The following SEMA3B variants were observed in gnomAD, a reference collection of about 807,000 sequenced individuals.
SEMA3B encodes semaphorin 3B.
A neutral mutation model predicts 77.8 loss-of-function variants in SEMA3B; 71 were observed. The observed-to-expected ratio is 0.91, with a 90% CI of 0.75 to 1.11. SEMA3B has a LOEUF of 1.11. Ranked by LOEUF, SEMA3B falls within the 50% of genes most tolerant of loss-of-function variation. SEMA3B has a pLI of 0.00. For synonymous variants in SEMA3B, 470 were observed against 452.9 expected, an observed-to-expected ratio of 1.04 and a Z score of -0.48; for missense variants, 968 against 1,056.8, an observed-to-expected ratio of 0.92 and a Z score of 1.17.
In SEMA3B at chr3:50,270,722, C is replaced by A. The variant is rs1393172472; in HGVS notation, c.331-168C>A. 4.0e-6 allele frequency: 5 copies of A among 1,242,714 alleles called. No individual in the cohort carries two copies. Among genetic ancestry groups the A allele is most frequent in the Non-Finnish European group, 5.5e-6 (5 of 907,054 alleles). 77.0% of individuals were successfully genotyped at this position (1,242,714 alleles called of 1,614,324 possible). ...GGCCTGTGCTTCCCCAGACACCCAC[C>A]CTCGTGAGGCCTGGGCTGGTCAGCA... On this transcript the variant is annotated intron_variant, in intron 3 of 16. Transcript: ENST00000616701. This position sits in a 1 kb window ranked among gnomAD's most constrained non-coding sequence, Gnocchi z 4.7.
Position 50,276,269 on chromosome 3 carries a change from A to G in SEMA3B, c.1846-33A>G. ...GCCCGGAAGCCCTGTTCCCGGCCCG[A>G]CACCCCCGCCTCACGCTGCCCTCTG... On this transcript the variant is annotated intron_variant, in intron 16 of 16. Transcript: ENST00000616701. The surrounding 1 kb of genome is among the most constrained non-coding windows in gnomAD (Gnocchi z 5.8). 1 of 1,445,470 alleles carries G rather than the reference A, an allele frequency of 6.9e-7. No homozygotes were observed. The highest frequency in any genetic ancestry group is 9.1e-7 in the Non-Finnish European group (1 of 1,103,710). 89.5% of individuals were successfully genotyped at this position (1,445,470 alleles called of 1,614,324 possible).
At chr3:50,264,288 G>A (rs1175612975), upstream of SEMA3B, among the ~76,000 whole-genome samples, 3 of 152,184 alleles carry the variant, frequency 2.0e-5, no homozygotes, top group African/African-American at 4.8e-5. Flanking sequence ...GCCCGAGAAG[G>A]GGCCTTGTTC....
In SEMA3B at chr3:50,270,967, C is replaced by T. The variant is rs782469142; in HGVS notation, c.408C>T (p.Phe136=). The change falls in exon 4 of 17, where the codon TTC becomes TTT. Residue 136 remains phenylalanine (F), a synonymous_variant. Transcript: ENST00000616701. This position sits in a 1 kb window ranked among gnomAD's most constrained non-coding sequence, Gnocchi z 4.7. ...THLLACGTGA[F]HPTCAFVEVG... ...TGCTGGCCTGTGGCACGGGAGCCTT[C>T]CACCCAACCTGTGCCTTTGTGGAAG... The T allele has an allele frequency of 3.1e-6, 5 of 1,610,964 alleles. No individual in the cohort carries two copies. The highest frequency in any genetic ancestry group is 1.7e-5 in the Admixed American group (1 of 59,570).
chr3:50,274,896 G>C lies in SEMA3B; in HGVS notation c.1411G>C (p.Ala471Pro). 6.2e-7 allele frequency: 1 copy of C among 1,611,150 alleles called. No homozygotes were observed. Among genetic ancestry groups the C allele is most frequent in the Non-Finnish European group, 8.5e-7 (1 of 1,179,776 alleles). ...GGTCCCCAAGGGCAGTAGGCCCAGCGCAGAGGGGCTGCTCCTGGAGGAGCT... is the reference window on the plus strand; with the variant it reads ...GGTCCCCAAGGGCAGTAGGCCCAGCCCAGAGGGGCTGCTCCTGGAGGAGCT... ...ISVPKGSRPS[A>P]EGLLLEELHV... Residue 471 changes from alanine (A) to proline (P), a missense_variant, in exon 12 of 17, where the codon GCA becomes CCA. Physicochemically the swap from Ala to Pro is conservative, Grantham distance 27. Coordinates refer to ENST00000616701, the MANE Select transcript of SEMA3B (RefSeq NM_001290060.2). This position sits in a 1 kb window ranked among gnomAD's most constrained non-coding sequence, Gnocchi z 4.7.
upstream of SEMA3B, among the ~76,000 whole-genome samples, chr3:50,268,550 A>G (rs1159994238): frequency 6.6e-6 from 1 of 152,254 alleles, no homozygotes; most frequent in African/African-American, 2.4e-5. Context: ...ATTTGCACAT[A>G]GATGTGCACA....
chr3:50,263,636 G>A (rs1700859982), upstream of SEMA3B, among the ~76,000 whole-genome samples: 2 of 151,998 alleles, frequency 1.3e-5, no homozygotes, highest in South Asian at 2.1e-4. Context: ...CAGAGGGGAG[G>A]CATGGGGAGA....
chr3:50,275,512 G>C lies in SEMA3B; in HGVS notation c.1650-48G>C, dbSNP rs1701205446. 2 of 1,612,970 alleles carry C rather than the reference G, an allele frequency of 1.2e-6. No homozygotes were observed. Among genetic ancestry groups the C allele is most frequent in the African/African-American group, 2.7e-5 (2 of 74,944 alleles). ...GGAGGGAGGCGAAGGGTCTTTCACT[G>C]CCCGGGGCTGAAAGAAGGGCTCACA... On this transcript the variant is annotated intron_variant, in intron 14 of 16. Coordinates refer to ENST00000616701, the MANE Select transcript of SEMA3B (RefSeq NM_001290060.2). This position sits in a 1 kb window ranked among gnomAD's most constrained non-coding sequence, Gnocchi z 7.5.
chr3:50,271,047 G>T (rs782760451), intron 4 of SEMA3B, 38 bp downstream of exon 4: 1 of 1,580,200 alleles, frequency 6.3e-7, no homozygotes, highest in South Asian at 1.2e-5. Flanking sequence ...GGTCAGGAGG[G>T]TAAGAAGGGC....
Position 50,276,590 on chromosome 3 carries a change from C to T in SEMA3B, c.2134C>T (p.Pro712Ser). ...GSANSLRMCR[P>S]QPALQSLPLE... Reference sequence around the variant, plus strand: ...CGCGAACTCCCTGCGCATGTGCCGCCCGCAGCCTGCGCTGCAGTCACTGCC... The same window carrying T: ...CGCGAACTCCCTGCGCATGTGCCGCTCGCAGCCTGCGCTGCAGTCACTGCC... Residue 712 changes from proline (P) to serine (S), a missense_variant, in exon 17 of 17, where the codon CCG becomes TCG. By Grantham distance (74) the Pro-to-Ser change is moderately conservative. Coordinates refer to ENST00000616701, the MANE Select transcript of SEMA3B (RefSeq NM_001290060.2). The surrounding 1 kb of genome is among the most constrained non-coding windows in gnomAD (Gnocchi z 5.8). The T allele has an allele frequency of 6.4e-7, 1 of 1,568,064 alleles. No individual in the cohort carries two copies. The highest frequency in any genetic ancestry group is 1.2e-5 in the South Asian group (1 of 85,966).
At position 50,270,852 on chromosome 3, in the gene SEMA3B, C is replaced by T. The variant is rs1324605667; in HGVS notation, c.331-38C>T. The T allele has an allele frequency of 5.8e-6, 9 of 1,563,258 alleles. No homozygotes were observed. Among genetic ancestry groups the T allele is most frequent in the African/African-American group, 2.7e-5 (2 of 73,596 alleles). ...GGTGAGCTGGGACCTCTTAAGGCTA[C>T]GTCCCTGGGGGAAGCCTCACACCTC... On this transcript the variant is annotated intron_variant, in intron 3 of 16. Coordinates refer to ENST00000616701, the MANE Select transcript of SEMA3B (RefSeq NM_001290060.2). The surrounding 1 kb of genome is among the most constrained non-coding windows in gnomAD (Gnocchi z 4.7).
intron 6 of SEMA3B, among the ~76,000 whole-genome samples, chr3:50,272,144 C>T (rs916538385): frequency 6.6e-6 from 1 of 152,134 alleles, no homozygotes; most frequent in African/African-American, 2.4e-5. Flanking sequence ...GGCATGCACA[C>T]ACCTGTAGTC....
In SEMA3B at chr3:50,269,830, T is replaced by C. The variant is rs1375065773; in HGVS notation, c.110-297T>C. Among the ~76,000 whole-genome samples the C allele has an allele frequency of 4.6e-5, 7 of 152,220 alleles. No individual in the cohort carries two copies. Among genetic ancestry groups the C allele is most frequent in the African/African-American group, 1.7e-4 (7 of 41,548 alleles). On this transcript the variant is annotated intron_variant, in intron 1 of 16. Transcript: ENST00000616701. The surrounding 1 kb of genome is among the most constrained non-coding windows in gnomAD (Gnocchi z 4.0). ...CCTGCATGCCAGTCTCCCCCAGGACTCTGGTGTCCATAAGCCTTGCCTCCC... is the reference window on the plus strand; with the variant it reads ...CCTGCATGCCAGTCTCCCCCAGGACCCTGGTGTCCATAAGCCTTGCCTCCC...
rs782550142 is a variant in SEMA3B, at chr3:50,274,882, G to A, written c.1397G>A (p.Gly466Asp). The change falls in exon 12 of 17, where the codon GGC becomes GAC. Residue 466 changes from glycine (G) to aspartate (D), a missense_variant. Gly to Asp is a moderately conservative substitution (Grantham distance 94). Coordinates refer to ENST00000616701, the MANE Select transcript of SEMA3B (RefSeq NM_001290060.2). This position sits in a 1 kb window ranked among gnomAD's most constrained non-coding sequence, Gnocchi z 4.7. ...TVLKVISVPK[G>D]SRPSAEGLLL... is the part of the protein sequence containing the mutation. ...CTGAAGGTGATCTCGGTCCCCAAGG[G>A]CAGTAGGCCCAGCGCAGAGGGGCTG... 3 of 1,611,236 alleles carry A rather than the reference G, an allele frequency of 1.9e-6. No homozygotes were observed. Among genetic ancestry groups the A allele is most frequent in the South Asian group, 1.1e-5 (1 of 90,898 alleles).
rs1359984709 is a variant in SEMA3B at position 50,273,124 on chromosome 3, C to T, written c.665-174C>T. ...TGCTTCTTGCCTCGCAGGCCCTGAT[C>T]CTTTGGATTCGGTCCGCGCAGAGCG... On this transcript the variant is annotated intron_variant, in intron 6 of 16. Transcript: ENST00000616701. The surrounding 1 kb of genome is among the most constrained non-coding windows in gnomAD (Gnocchi z 6.5). 1.0e-4 allele frequency: 107 copies of T among 1,060,130 alleles called. 1 individual carries two copies. The highest frequency in any genetic ancestry group is 3.0e-5 in the Admixed American group (1 of 33,108). 65.7% of individuals were successfully genotyped at this position (1,060,130 alleles called of 1,614,324 possible). A position where few individuals can be genotyped will look rare whatever the true frequency, so the allele number is the denominator to read the frequency against.
At position 50,275,321 on chromosome 3, in the gene SEMA3B, C is replaced by A. The variant is rs1701196853; in HGVS notation, c.1511C>A (p.Ser504Ter). Residue 504 changes from serine to a stop codon, truncating the protein, a stop_gained, in exon 14 of 17, where the codon TCG (serine) becomes TAG (stop). Coordinates refer to ENST00000616701, the MANE Select transcript of SEMA3B (RefSeq NM_001290060.2). LOFTEE classifies it high-confidence loss of function. The surrounding 1 kb of genome is among the most constrained non-coding windows in gnomAD (Gnocchi z 7.5). Reference sequence around the variant, plus strand: ...CCCTAGCACCAGCTGTACGTAGCCTCGCGGAGCGCGGTGGCCCAGATCGCG... The same window carrying A: ...CCCTAGCACCAGCTGTACGTAGCCTAGCGGAGCGCGGTGGCCCAGATCGCG... ...SSKRHQLYVA[S>*]RSAVAQIALH... 9 of 1,575,706 alleles carry A rather than the reference C, an allele frequency of 5.7e-6. No individual in the cohort carries two copies. The East Asian group carries it at 1.9e-4, about 33-fold the overall frequency.
In SEMA3B at chr3:50,270,793, GA is replaced by G; in HGVS notation, c.331-96del. 1 of 1,521,338 alleles carries G rather than the reference GA, an allele frequency of 6.6e-7. No homozygotes were observed. The allele number at this position is 1,521,338 out of a possible 1,614,324, so 94.2% of individuals were successfully genotyped here. A position where few individuals can be genotyped will look rare whatever the true frequency, so the allele number is the denominator to read the frequency against. On this transcript the variant is annotated intron_variant, in intron 3 of 16. Coordinates refer to ENST00000616701, the MANE Select transcript of SEMA3B (RefSeq NM_001290060.2). The surrounding 1 kb of genome is among the most constrained non-coding windows in gnomAD (Gnocchi z 4.7). ...GCCCATGTTAGTACTTGCCTGGGCT[GA>G]TGCCGAAGAGAGGGAGGGGTGAGGA...
chr3:50,270,219 T>C lies in SEMA3B; in HGVS notation c.202T>C (p.Phe68Leu). Residue 68 changes from phenylalanine to leucine, a missense_variant, in exon 2 of 17, where the codon TTT becomes CTT. Phe to Leu is a conservative substitution (Grantham distance 22, BLOSUM62 0). Coordinates refer to ENST00000616701, the MANE Select transcript of SEMA3B (RefSeq NM_001290060.2). This position sits in a 1 kb window ranked among gnomAD's most constrained non-coding sequence, Gnocchi z 4.7. ...GGTGGATGAGGAGCGTGGACGCCTG[T>C]TTGTGGGTGCCGAGAACCATGTGGC... ...LLVDEERGRL[F>L]VGAENHVASL... 6.2e-7 allele frequency: 1 copy of C among 1,611,510 alleles called. No individual in the cohort carries two copies. The highest frequency in any genetic ancestry group is 8.5e-7 in the Non-Finnish European group (1 of 1,179,186).
chr3:50,267,904 C>T (rs1345346945), upstream of SEMA3B: 2 of 152,418 alleles, frequency 1.3e-5, no homozygotes, highest in Non-Finnish European at 2.9e-5. The surrounding 1 kb of genome is among the most constrained non-coding windows in gnomAD (Gnocchi z 5.7). Flanking sequence ...CCACCTGGAA[C>T]CTTGTCCCAC....
Position 50,270,537 on chromosome 3 carries a change from C to T in SEMA3B, c.330+42C>T. 1 of 1,612,036 alleles carries T rather than the reference C, an allele frequency of 6.2e-7. No homozygotes were observed. Among genetic ancestry groups the T allele is most frequent in the Non-Finnish European group, 8.5e-7 (1 of 1,179,200 alleles). On this transcript the variant is annotated intron_variant, in intron 3 of 16. Coordinates refer to ENST00000616701, the MANE Select transcript of SEMA3B (RefSeq NM_001290060.2). The surrounding 1 kb of genome is among the most constrained non-coding windows in gnomAD (Gnocchi z 4.7). ...CGGGCCGGGAGTGGGGAGGGTCAGCCCCTCACCCCAGAGACAGGGCAGGGC... is the reference window on the plus strand; with the variant it reads ...CGGGCCGGGAGTGGGGAGGGTCAGCTCCTCACCCCAGAGACAGGGCAGGGC...
Sources: gnomAD v4.1 joint callset for allele counts (sites outside exome capture counted in the v4.1 genomes callset) on GRCh38, gnomAD v4.1.1 for gene constraint, Gnocchi (gnomAD v3.1) non-coding constraint, MANE v1.5 for transcripts, NCBI Gene and HGNC (gene_info 2026-07-23, HGNC 2026-07-21) for gene names.